DCAF6: variants seen among roughly 807,000 people sequenced by gnomAD.
DCAF6 encodes the protein DDB1 and CUL4 associated factor 6.
In DCAF6, 54 loss-of-function variants were observed where a neutral mutation model predicts 125.1. The ratio of observed to expected loss-of-function variants is 0.43; its 90% CI spans 0.35 to 0.54. The LOEUF is 0.54. DCAF6 is among the 20% of genes least tolerant of loss of function. The pLI is 0.01. For synonymous variants in DCAF6, 371 were observed against 390.4 expected (o/e 0.95, Z 0.58); for missense variants, 934 against 1,161.7 (o/e 0.80, Z 2.85).
chr1:168,013,811 T>C (rs796874289), intron 10 of DCAF6, among the ~76,000 whole-genome samples: 2 of 152,204 alleles, frequency 1.3e-5, no homozygotes, highest in African/African-American at 2.4e-5. Flanking sequence ...AATGGTGCAG[T>C]CGTGGCTTAC....
chr1:168,023,758 G>A (rs1685961804), intron 12 of DCAF6: 1 of 152,212 alleles, frequency 6.6e-6, no homozygotes, highest in Non-Finnish European at 1.5e-5. Flanking sequence ...GCTGGAGATA[G>A]GAAGACTAAA....
intron 17 of DCAF6, among the ~76,000 whole-genome samples, chr1:168,058,783 G>A (rs148923476): frequency 9.9e-5 from 15 of 152,228 alleles, no homozygotes; most frequent in Middle Eastern, 3.4e-3. Context: ...TAGTCAGGCT[G>A]GTCTTGAACT....
intron 7 of DCAF6, among the ~76,000 whole-genome samples, chr1:167,995,666 C>CA (rs1490292120): frequency 4.3e-5 from 5 of 117,422 alleles, no homozygotes; most frequent in African/African-American, 1.3e-4. Flanking sequence ...GTGACAAGAG[C>CA]AAAACTCAGT....
upstream of DCAF6, among the ~76,000 whole-genome samples, chr1:167,933,559 T>A (rs998164351): frequency 6.6e-6 from 1 of 152,252 alleles, no homozygotes; most frequent in African/African-American, 2.4e-5. Flanking sequence ...GATTTCCAAC[T>A]GTTAATATTG....
chr1:167,911,924 G>T, the DCAF6 span, among the ~76,000 whole-genome samples: 3 of 152,098 alleles, frequency 2.0e-5, no homozygotes, highest in Non-Finnish European at 4.4e-5. Flanking sequence ...AGATTAAGAT[G>T]GCATATGTAG....
At chr1:167,880,500 T>C in the DCAF6 span, 1 of 1,613,140 alleles carries the variant, frequency 6.2e-7, no homozygotes, top group Non-Finnish European at 8.5e-7. Flanking sequence ...CTGGATTTTG[T>C]GGACTTGAGA....
At position 168,071,439 on chromosome 1, in the gene DCAF6, A is replaced by G. The variant is rs530398816; in HGVS notation, c.2791+2976A>G. On this transcript the variant is annotated intron_variant, in intron 21 of 21. Coordinates refer to ENST00000367840, the MANE Select transcript of DCAF6 (RefSeq NM_001198956.2). ...GCCAACATGGCAAAACCCCGTCTCTATAAAAATAAAAAATAAAAAAAATTA... is the reference window on the plus strand; with the variant it reads ...GCCAACATGGCAAAACCCCGTCTCTGTAAAAATAAAAAATAAAAAAAATTA... 5.9e-5 allele frequency among the ~76,000 whole-genome samples: 9 copies of G among 152,242 alleles called. No homozygotes were observed. In the East Asian group the frequency reaches 1.7e-3, roughly 29 times the overall value.
At chr1:167,975,082 GTGTAGATGCATGTGTGTA>G in intron 4 of DCAF6, 67 bp downstream of exon 4, 7 of 1,001,118 alleles carry the variant, frequency 7.0e-6, no homozygotes, top group Non-Finnish European at 9.8e-6. Flanking sequence ...GTACATACAT[GTGTAGATGCATGTGTGTA>G]CATGTACAGA....
chr1:167,955,962 T>A (rs571156927), intron 2 of DCAF6, among the ~76,000 whole-genome samples: 1 of 152,258 alleles, frequency 6.6e-6, no homozygotes, highest in East Asian at 1.9e-4. Context: ...GGTCTCATTA[T>A]GTTGCCCGTC....
chr1:167,924,341 T>A, the DCAF6 span: 4 of 542,730 alleles, frequency 7.4e-6, no homozygotes, highest in East Asian at 1.3e-4. Context: ...TTGCTTTATG[T>A]AGAAAACGAT....
At chr1:168,007,646 T>C (rs11584428) in intron 10 of DCAF6, among the ~76,000 whole-genome samples, 16,562 of 152,240 alleles carry the variant, frequency 0.11, 1,023 homozygotes, top group African/African-American at 0.16. Flanking sequence ...CCTTTCTTGG[T>C]ATCTATGATA....
chr1:167,993,980 GTTACTAA>G (rs1002079587), intron 7 of DCAF6, among the ~76,000 whole-genome samples: 4 of 151,828 alleles, frequency 2.6e-5, no homozygotes, highest in Admixed American at 6.6e-5. Context: ...ATTACTAATA[GTTACTAA>G]TTACTAATTA....
intron 20 of DCAF6, among the ~76,000 whole-genome samples, chr1:168,066,716 G>T (rs897903177): frequency 6.6e-6 from 1 of 151,988 alleles, no homozygotes; most frequent in Non-Finnish European, 1.5e-5. Context: ...AGTAGTTTAA[G>T]AAAAACAGGT....
chr1:167,993,594 A>C (rs1301409403), intron 7 of DCAF6, among the ~76,000 whole-genome samples, 154 bp downstream of exon 7: 4 of 152,152 alleles, frequency 2.6e-5, no homozygotes, highest in African/African-American at 9.7e-5. Flanking sequence ...TACTAAAAAC[A>C]CAAAATTAGC....
chr1:168,027,214 G>A (rs1686448364), intron 12 of DCAF6, among the ~76,000 whole-genome samples: 1 of 152,078 alleles, frequency 6.6e-6, no homozygotes, highest in African/African-American at 2.4e-5. Flanking sequence ...GGGGAAAAAG[G>A]TAGAGACTTT....
intron 10 of DCAF6, among the ~76,000 whole-genome samples, chr1:168,007,189 A>G (rs140538505): frequency 1.4e-4 from 22 of 152,364 alleles, no homozygotes; most frequent in African/African-American, 5.3e-4. Context: ...TGATAGAAGC[A>G]GAAAGCTCCT....
the DCAF6 span, chr1:167,903,781 G>C: frequency 4.3e-5 from 34 of 793,618 alleles, no homozygotes; most frequent in East Asian, 8.3e-4. Flanking sequence ...TCATGGGGAA[G>C]AGGAGGAGTG....
chr1:168,045,092 T>G lies in DCAF6; in HGVS notation c.2123T>G (p.Phe708Cys). Residue 708 changes from phenylalanine to cysteine, a missense_variant, in exon 16 of 22, where the codon TTC becomes TGC. Phe to Cys is a radical substitution (Grantham distance 205, BLOSUM62 -2). Transcript: ENST00000367840. ...AATAACACCAATCCTGAGCCTCAGTTCCAAACAGAAGCCACTGGGCCTTCA... is the reference window on the plus strand; with the variant it reads ...AATAACACCAATCCTGAGCCTCAGTGCCAAACAGAAGCCACTGGGCCTTCA... ...NENNTNPEPQ[F>C]QTEATGPSAH... is the part of the protein sequence containing the mutation. 3 of 1,613,886 alleles carry G rather than the reference T, an allele frequency of 1.9e-6. No homozygotes were observed. Among genetic ancestry groups the G allele is most frequent in the Non-Finnish European group, 2.5e-6 (3 of 1,179,908 alleles).
intron 12 of DCAF6, among the ~76,000 whole-genome samples, chr1:168,028,405 G>C (rs1228199644): frequency 6.6e-6 from 1 of 152,120 alleles, no homozygotes; most frequent in African/African-American, 2.4e-5. Context: ...ATTGAAACAA[G>C]TTGCTTTCTA....
Sources: gnomAD v4.1 joint callset for allele counts (sites outside exome capture counted in the v4.1 genomes callset) on GRCh38, gnomAD v4.1.1 for gene constraint, MANE v1.5 for transcripts, NCBI Gene and HGNC (gene_info 2026-07-23, HGNC 2026-07-21) for gene names.